The following FOXP2 variants were observed in gnomAD, a reference collection of about 807,000 sequenced individuals.
The protein encoded by FOXP2 is forkhead box P2, also known as forkhead box protein P2.
A neutral mutation model predicts 115.8 loss-of-function variants in FOXP2; 12 were observed. The ratio of observed to expected loss-of-function variants is 0.10; its 90% CI spans 0.07 to 0.17. The LOEUF (loss-of-function observed/expected upper bound fraction) is 0.17. Ranked by LOEUF, FOXP2 falls within the 10% of genes least tolerant of loss-of-function variation. FOXP2 has a pLI of 1.00. For synonymous variants in FOXP2, 328 were observed against 297.7 expected, an observed-to-expected ratio of 1.10 and a Z score of -1.05; for missense variants, 629 against 843.5, an observed-to-expected ratio of 0.75 and a Z score of 3.15.
chr7:114,403,106 G>A (rs6969741), intron 2 of FOXP2, among the ~76,000 whole-genome samples: 147,209 of 152,288 alleles, frequency 0.97, 71,314 homozygotes, highest in East Asian at 1. Flanking sequence ...AATAAGTTAT[G>A]TAGTCTGTAT....
At chr7:114,089,626 T>G (rs143473422) in intron 1 of FOXP2, among the ~76,000 whole-genome samples, 34 of 152,096 alleles carry the variant, frequency 2.2e-4, no homozygotes. Flanking sequence ...TTCATTTCTT[T>G]GCACTTCTTA....
intron 2 of FOXP2, among the ~76,000 whole-genome samples, chr7:114,532,736 TATAC>T (rs1205496968): frequency 2.6e-5 from 4 of 151,536 alleles, no homozygotes; most frequent in Non-Finnish European, 4.4e-5. Flanking sequence ...AGGCAACAGG[TATAC>T]AAAATAAACT....
intron 1 of FOXP2, among the ~76,000 whole-genome samples, chr7:114,113,678 TA>T (rs1284637092): frequency 1.4e-4 from 21 of 152,230 alleles, no homozygotes; most frequent in East Asian, 5.8e-4. Context: ...TATTTATTAT[TA>T]TTTTTTTATA....
chr7:114,351,410 A>G (rs1791485812), intron 2 of FOXP2, among the ~76,000 whole-genome samples: 1 of 152,170 alleles, frequency 6.6e-6, no homozygotes, highest in South Asian at 2.1e-4. Context: ...AGCATTCTGT[A>G]TCTCTATTAT....
Position 114,564,820 on chromosome 7 carries a change from G to A in FOXP2, c.258+30114G>A, listed in dbSNP as rs542571653. 3.3e-5 allele frequency among the ~76,000 whole-genome samples: 5 copies of A among 150,254 alleles called. No homozygotes were observed. The East Asian group carries it at 7.9e-4, about 24-fold the overall frequency. On this transcript the variant is annotated intron_variant, in intron 3 of 16. Coordinates refer to ENST00000350908, the MANE Select transcript of FOXP2 (RefSeq NM_014491.4). The stretch of plus-strand genomic sequence containing the variant: ...TACTTGATCCTAAGTGGTGGATGCT[G>A]CAGTGAGCCAAGATTGCTCCACTGC...
chr7:114,384,917 A>C (rs1160299344), intron 2 of FOXP2, among the ~76,000 whole-genome samples: 1 of 152,084 alleles, frequency 6.6e-6, no homozygotes, highest in Non-Finnish European at 1.5e-5. Flanking sequence ...CTGACAACAA[A>C]GTGACAATTA....
At position 114,640,232 on chromosome 7, in the gene FOXP2, C is replaced by T. The variant is rs114154279; in HGVS notation, c.776-2178C>T. Among the ~76,000 whole-genome samples, 903 of 152,206 alleles carry T rather than the reference C, an allele frequency of 5.9e-3. 5 individuals are homozygous for T. Among genetic ancestry groups the T allele is most frequent in the African/African-American group, 0.018 (760 of 41,536 alleles). On this transcript the variant is annotated intron_variant, in intron 6 of 16. Transcript: ENST00000350908. ...AGAGTTTCAGAATTCTAGGTTAAAG[C>T]AATAATTATAGATCTTTATATAAAA... is the stretch of plus-strand genomic sequence containing the variant.
chr7:114,608,812 T>C (rs1803473465), intron 3 of FOXP2, among the ~76,000 whole-genome samples: 1 of 152,160 alleles, frequency 6.6e-6, no homozygotes, highest in South Asian at 2.1e-4. Context: ...TTAATAACCC[T>C]GTACCTGGAT....
chr7:114,294,023 A>G (rs1291058800), intron 2 of FOXP2, among the ~76,000 whole-genome samples: 1 of 152,134 alleles, frequency 6.6e-6, no homozygotes, highest in East Asian at 1.9e-4. Context: ...CTTTGAGGGG[A>G]ATATAAAGAT....
intron 2 of FOXP2, among the ~76,000 whole-genome samples, chr7:114,451,810 G>T (rs919757140): frequency 6.6e-6 from 1 of 152,066 alleles, no homozygotes; most frequent in Non-Finnish European, 1.5e-5. Flanking sequence ...ACCAGATTGA[G>T]AAAGTGACAA....
chr7:114,176,862 A>G (rs767327862), intron 1 of FOXP2, among the ~76,000 whole-genome samples: 1 of 152,106 alleles, frequency 6.6e-6, no homozygotes, highest in Non-Finnish European at 1.5e-5. Context: ...ACTATCTTCC[A>G]GTCCTTACCC....
intron 1 of FOXP2, among the ~76,000 whole-genome samples, chr7:114,099,987 C>T (rs958910789): frequency 3.3e-5 from 5 of 152,148 alleles, no homozygotes; most frequent in Non-Finnish European, 7.3e-5. Flanking sequence ...AGTAATCTTT[C>T]TACTGTCTAT....
intron 16 of FOXP2, among the ~76,000 whole-genome samples, chr7:114,676,224 C>T (rs748314867): frequency 7.9e-5 from 12 of 151,876 alleles, no homozygotes; most frequent in Non-Finnish European, 1.5e-4. Context: ...CCACTGTACC[C>T]GGCCTAAAAC....
intron 1 of FOXP2, among the ~76,000 whole-genome samples, chr7:114,167,534 A>C (rs889803036): frequency 6.6e-6 from 1 of 152,016 alleles, no homozygotes; most frequent in African/African-American, 2.4e-5. Context: ...CGTAATTTTC[A>C]TGTGTTATGG....
At chr7:114,566,896 T>C (rs915205426) in intron 3 of FOXP2, among the ~76,000 whole-genome samples, 1 of 151,920 alleles carries the variant, frequency 6.6e-6, no homozygotes, top group Non-Finnish European at 1.5e-5. Context: ...ATATATTATA[T>C]ATTTTTGTAT....
At position 114,630,024 on chromosome 7, in the gene FOXP2, A is replaced by G; in HGVS notation, c.597+19A>G. On this transcript the variant is annotated intron_variant, in intron 5 of 16. Transcript: ENST00000350908. ...GAAAGAGGTAGGATCCGGTTATCTC[A>G]TTGATACATAACAGTTTGCAGTTAA... 6.2e-7 allele frequency: 1 copy of G among 1,602,552 alleles called. No homozygotes were observed. The highest frequency in any genetic ancestry group is 8.5e-7 in the Non-Finnish European group (1 of 1,178,112).
intron 1 of FOXP2, among the ~76,000 whole-genome samples, chr7:114,168,777 G>A (rs1793054166): frequency 1.3e-5 from 2 of 152,142 alleles, no homozygotes; most frequent in Non-Finnish European, 2.9e-5. Context: ...CCTCCCCCTA[G>A]GCCAGGAAGC....
chr7:114,385,494 T>A (rs1792423864), intron 2 of FOXP2, among the ~76,000 whole-genome samples: 1 of 152,166 alleles, frequency 6.6e-6, no homozygotes, highest in Non-Finnish European at 1.5e-5. Context: ...GACAACAGCT[T>A]TCTGCCTCTA....
intron 3 of FOXP2, chr7:114,570,972 G>A: frequency 9.3e-7 from 1 of 1,072,996 alleles, no homozygotes; most frequent in Non-Finnish European, 1.5e-6. Flanking sequence ...ATTTTCTATA[G>A]CCAATCCCTT....
Sources: gnomAD v4.1 joint callset for allele counts (sites outside exome capture counted in the v4.1 genomes callset) on GRCh38, gnomAD v4.1.1 for gene constraint, MANE v1.5 for transcripts, NCBI Gene and HGNC (gene_info 2026-07-23, HGNC 2026-07-21) for gene names.